The following NLGN4X variants were observed in gnomAD, a reference collection of about 807,000 sequenced individuals.
The protein encoded by NLGN4X is neuroligin-4, X-linked.
In NLGN4X, 3 loss-of-function variants were observed where a neutral mutation model predicts 40.3. The observed-to-expected ratio is 0.07, with a 90% CI of 0.03 to 0.19. The LOEUF (loss-of-function observed/expected upper bound fraction) is 0.19. Among genes scored for constraint, NLGN4X ranks in the 10% least tolerant of loss-of-function variants. The pLI, the probability that NLGN4X is intolerant of heterozygous loss-of-function variation, is 1.00. For missense variants in NLGN4X, 382 were observed against 708.3 expected, an observed-to-expected ratio of 0.54 and a Z score of 5.23; for synonymous variants, 270 against 306.8, an observed-to-expected ratio of 0.88 and a Z score of 1.25.
chrX:6,084,213 T>C (rs907880954), intron 2 of NLGN4X, among the ~76,000 whole-genome samples: 5 of 112,494 alleles, frequency 4.4e-5, no homozygotes, highest in African/African-American at 1.6e-4. Context: ...TAGAAATCAC[T>C]GGTCATACTT....
intron 2 of NLGN4X, among the ~76,000 whole-genome samples, chrX:6,115,853 T>A (rs192349347): frequency 7.2e-5 from 8 of 111,644 alleles, no homozygotes; most frequent in Admixed American, 2.8e-4. Flanking sequence ...CTGTTCCAAA[T>A]GCCCAGTGCT....
chrX:6,020,265 C>T (rs2036497624), intron 3 of NLGN4X, among the ~76,000 whole-genome samples: 1 of 111,223 alleles, frequency 9.0e-6, no homozygotes, highest in Admixed American at 9.6e-5. Context: ...TATTATTCTA[C>T]CTCAAAAAAA....
At chrX:5,899,689 C>A (rs2031730530) in intron 5 of NLGN4X, among the ~76,000 whole-genome samples, 1 of 87,182 alleles carries the variant, frequency 1.1e-5, no homozygotes, top group East Asian at 5.4e-4. Flanking sequence ...TGTCTTTTTT[C>A]CTTTTTTTTT....
At chrX:5,994,668 C>T (rs2035770383) in intron 3 of NLGN4X, among the ~76,000 whole-genome samples, 1 of 111,985 alleles carries the variant, frequency 8.9e-6, no homozygotes. Flanking sequence ...AACGATATCG[C>T]TTATTGGGAA....
At chrX:5,959,128 G>T (rs1382863103) in intron 3 of NLGN4X, among the ~76,000 whole-genome samples, 1 of 111,844 alleles carries the variant, frequency 8.9e-6, no homozygotes, top group East Asian at 2.8e-4. Flanking sequence ...CCATAAACTT[G>T]TGAGAGGTAC....
intron 2 of NLGN4X, among the ~76,000 whole-genome samples, chrX:6,056,886 C>T (rs1373538246): frequency 1.8e-5 from 2 of 112,075 alleles, no homozygotes; most frequent in African/African-American, 6.5e-5. Flanking sequence ...CAATGGAAAG[C>T]GATGGATGGC....
chrX:6,085,433 T>A (rs1398888100), intron 2 of NLGN4X, among the ~76,000 whole-genome samples: 1 of 111,820 alleles, frequency 8.9e-6, no homozygotes. Flanking sequence ...GGTGGTCGTG[T>A]AATGGAGCTG....
intron 1 of NLGN4X, among the ~76,000 whole-genome samples, chrX:6,156,440 C>T (rs1013549429): frequency 1.8e-5 from 2 of 111,392 alleles, no homozygotes; most frequent in South Asian, 3.8e-4. Context: ...ACCCAGGAGG[C>T]GGAGCTTGCA....
intron 5 of NLGN4X, among the ~76,000 whole-genome samples, chrX:5,894,581 G>A (rs2031385850): frequency 9.0e-6 from 1 of 111,531 alleles, no homozygotes; most frequent in African/African-American, 3.3e-5. Flanking sequence ...GAAACTATGA[G>A]CCAAAGAATT....
chrX:5,904,128 TCTC>T (rs1337179812), intron 4 of NLGN4X, among the ~76,000 whole-genome samples: 1 of 111,112 alleles, frequency 9.0e-6, no homozygotes, highest in Non-Finnish European at 1.9e-5. Flanking sequence ...CATTGACACT[TCTC>T]CTGCACTGGT....
At chrX:6,031,995 G>A (rs1324101027) in intron 2 of NLGN4X, among the ~76,000 whole-genome samples, 1 of 110,070 alleles carries the variant, frequency 9.1e-6, no homozygotes, top group African/African-American at 3.3e-5. Context: ...AAGCCGTGGT[G>A]TGAAAAGAAA....
intron 2 of NLGN4X, among the ~76,000 whole-genome samples, chrX:6,081,157 G>A (rs1178534927): frequency 9.0e-6 from 1 of 111,623 alleles, no homozygotes; most frequent in Admixed American, 9.5e-5. Flanking sequence ...GCATGGTGGT[G>A]CACACCTGTG....
intron 1 of NLGN4X, among the ~76,000 whole-genome samples, chrX:6,220,805 T>C: frequency 1.1e-5 from 1 of 94,834 alleles, no homozygotes; most frequent in Non-Finnish European, 2.0e-5. Context: ...TGGCACGATC[T>C]TGGCTCACTG....
At chrX:5,941,371 G>T (rs1428398898) in intron 3 of NLGN4X, among the ~76,000 whole-genome samples, 1 of 111,102 alleles carries the variant, frequency 9.0e-6, no homozygotes, top group African/African-American at 3.3e-5. Flanking sequence ...CCATGGATCA[G>T]ATTGCTTCTG....
In NLGN4X at chrX:6,227,968, GT is replaced by G. The variant is rs761511283; in HGVS notation, c.-306+572del. On this transcript the variant is annotated intron_variant, in intron 1 of 5. Transcript: ENST00000381095. ...TTTTCTTAAAGAATAAGGGGGGGGG[GT>G]GGGGGGGGAGAGAAAAAGAAAAGAA... The G allele has an allele frequency of 4.1e-3, 334 of 81,465 alleles. 4 individuals are homozygous for G. Among genetic ancestry groups the G allele is most frequent in the African/African-American group, 0.013 (246 of 19,221 alleles). The allele number at this position is 81,465 out of a possible 1,213,427, so 6.7% of individuals were successfully genotyped here. A position where few individuals can be genotyped will look rare whatever the true frequency, so the allele number is the denominator to read the frequency against.
chrX:6,152,168 G>T (rs1232664241), intron 1 of NLGN4X, among the ~76,000 whole-genome samples: 1 of 110,627 alleles, frequency 9.0e-6, no homozygotes, highest in Non-Finnish European at 1.9e-5. Context: ...GTCCAGGCTG[G>T]CCTCAAGGGA....
intron 2 of NLGN4X, among the ~76,000 whole-genome samples, chrX:6,145,308 C>T (rs1487680181): frequency 8.9e-6 from 1 of 111,739 alleles, no homozygotes; most frequent in Non-Finnish European, 1.9e-5. Context: ...TGCAGAGAAC[C>T]CTCTTACTGC....
chrX:6,162,642 A>G (rs753498918), intron 1 of NLGN4X, among the ~76,000 whole-genome samples: 15 of 110,907 alleles, frequency 1.4e-4, no homozygotes, highest in Non-Finnish European at 2.6e-4. Flanking sequence ...GTGAACAAAT[A>G]CTACTTGATA....
intron 3 of NLGN4X, among the ~76,000 whole-genome samples, chrX:5,937,945 C>T (rs1294570116): frequency 8.9e-6 from 1 of 112,001 alleles, no homozygotes; most frequent in East Asian, 2.8e-4. Context: ...TCCATAGTGG[C>T]TGCAGGGCTG....
Sources: gnomAD v4.1 joint callset for allele counts (sites outside exome capture counted in the v4.1 genomes callset) on GRCh38, gnomAD v4.1.1 for gene constraint, MANE v1.5 for transcripts, NCBI Gene and HGNC (gene_info 2026-07-23, HGNC 2026-07-21) for gene names.